The following PACRG variants were observed in gnomAD, a reference collection of about 807,000 sequenced individuals.
The protein encoded by PACRG is parkin coregulated gene protein.
Under a neutral mutation model 29.7 loss-of-function variants are expected in PACRG, and 29 were observed. That is an observed-to-expected ratio of 0.98 (90% CI 0.73 to 1.33). The LOEUF (loss-of-function observed/expected upper bound fraction) is 1.33. Ranked by LOEUF, PACRG falls within the 40% of genes most tolerant of loss-of-function variation. The pLI is 0.00. For missense variants in PACRG, 279 were observed against 316.2 expected (o/e 0.88, Z 0.89); for synonymous variants, 116 against 118.7 (o/e 0.98, Z 0.15).
intron 1 of PACRG, among the ~76,000 whole-genome samples, chr6:162,736,741 T>C (rs938777889): frequency 1.3e-5 from 2 of 151,986 alleles, no homozygotes; most frequent in Non-Finnish European, 2.9e-5. Flanking sequence ...ATTTTATATA[T>C]TTTGAGAGCA....
At chr6:162,753,657 T>TC (rs35102746) in intron 1 of PACRG, among the ~76,000 whole-genome samples, 6 of 152,138 alleles carry the variant, frequency 3.9e-5, no homozygotes, top group Admixed American at 6.6e-5. Context: ...ATTCGATCAT[T>TC]CCCCCATGCT....
In PACRG at chr6:163,197,345, G is replaced by A. The variant is rs114404679; in HGVS notation, c.613+107937G>A. 5.7e-3 allele frequency among the ~76,000 whole-genome samples: 865 copies of A among 151,154 alleles called. 8 individuals are homozygous for A. The highest frequency in any genetic ancestry group is 0.02 in the African/African-American group (818 of 41,208). On this transcript the variant is annotated intron_variant, in intron 4 of 4. Transcript: ENST00000366888. ...AAGGAAGAAAAAAGAAATACCATCT[G>A]TAAATGCTTGCTCTAGAGGTGTGTC... is the stretch of plus-strand genomic sequence containing the variant.
At chr6:162,976,459 G>T (rs1319929934) in intron 2 of PACRG, among the ~76,000 whole-genome samples, 1 of 152,158 alleles carries the variant, frequency 6.6e-6, no homozygotes, top group Non-Finnish European at 1.5e-5. Flanking sequence ...GGGAAGAAAG[G>T]TAGTTGCTGA....
Position 163,158,509 on chromosome 6 carries a change from C to T in PACRG, c.613+69101C>T, listed in dbSNP as rs527726416. 1.1e-4 allele frequency among the ~76,000 whole-genome samples: 16 copies of T among 152,214 alleles called. No individual in the cohort carries two copies. The East Asian group carries it at 2.1e-3, about 20-fold the overall frequency. On this transcript the variant is annotated intron_variant, in intron 4 of 4. Coordinates refer to ENST00000366888, the MANE Select transcript of PACRG (RefSeq NM_001080379.2). ...AAACCTAGGAAAGAAAAGTAGGGAA[C>T]GTGAATTACAGTAGGATGTGTGTCA...
chr6:162,958,003 T>C (rs1206470718), intron 2 of PACRG, among the ~76,000 whole-genome samples: 2 of 152,210 alleles, frequency 1.3e-5, no homozygotes, highest in Non-Finnish European at 2.9e-5. Context: ...TCACTAATGA[T>C]ATAAAACATG....
At chr6:163,174,417 A>G (rs953631019) in intron 4 of PACRG, among the ~76,000 whole-genome samples, 3 of 152,218 alleles carry the variant, frequency 2.0e-5, no homozygotes, top group African/African-American at 7.2e-5. Context: ...CCAAAACTTC[A>G]GGTTCCCAGT....
chr6:163,132,726 C>T (rs114181428), intron 4 of PACRG, among the ~76,000 whole-genome samples: 1,525 of 152,256 alleles, frequency 0.01, 26 homozygotes, highest in African/African-American at 0.035. Context: ...CTTAATGGCA[C>T]TTATTAAATC....
intron 4 of PACRG, among the ~76,000 whole-genome samples, chr6:163,248,403 G>A (rs997968149): frequency 2.0e-5 from 3 of 150,528 alleles, no homozygotes; most frequent in Non-Finnish European, 4.4e-5. Context: ...GTTGGTTTGC[G>A]GGGCAAGAGG....
chr6:162,845,559 A>G (rs761866075), intron 2 of PACRG, among the ~76,000 whole-genome samples: 16 of 152,160 alleles, frequency 1.1e-4, no homozygotes, highest in Non-Finnish European at 1.3e-4. Context: ...TCCTGTGATC[A>G]ATGTCCATTT....
chr6:162,990,277 T>TG (rs1161486865), intron 2 of PACRG, among the ~76,000 whole-genome samples: 1 of 151,780 alleles, frequency 6.6e-6, no homozygotes, highest in Non-Finnish European at 1.5e-5. Flanking sequence ...CTGGGTCAAA[T>TG]GGTATTTCTA....
At chr6:163,258,948 G>A (rs1035998442) in intron 4 of PACRG, among the ~76,000 whole-genome samples, 1 of 152,068 alleles carries the variant, frequency 6.6e-6, no homozygotes, top group Non-Finnish European at 1.5e-5. Flanking sequence ...TAATGCTTTG[G>A]TGTGGTTCCA....
chr6:163,308,297 A>T (rs1785267616), intron 4 of PACRG, among the ~76,000 whole-genome samples: 1 of 152,234 alleles, frequency 6.6e-6, no homozygotes, highest in South Asian at 2.1e-4. Flanking sequence ...TGCTTAAAAA[A>T]CAAGGAGTAA....
At chr6:163,283,556 T>C (rs1179236883) in intron 4 of PACRG, among the ~76,000 whole-genome samples, 1 of 151,534 alleles carries the variant, frequency 6.6e-6, no homozygotes, top group Non-Finnish European at 1.5e-5. Context: ...ATCCCAGCAC[T>C]TTGGGAGGCC....
chr6:162,792,780 C>T (rs909675718), intron 1 of PACRG, among the ~76,000 whole-genome samples: 5 of 152,100 alleles, frequency 3.3e-5, no homozygotes, highest in East Asian at 3.9e-4. Context: ...TCCTGATGAC[C>T]GACTGTGAGC....
chr6:163,031,885 A>G (rs897992011), intron 2 of PACRG, among the ~76,000 whole-genome samples: 1 of 152,200 alleles, frequency 6.6e-6, no homozygotes, highest in Non-Finnish European at 1.5e-5. Context: ...TAGGCAAGGT[A>G]TGAGGCCAGT....
chr6:163,247,717 ACAGACAC>A (rs1782747044), intron 4 of PACRG, among the ~76,000 whole-genome samples: 1 of 152,164 alleles, frequency 6.6e-6, no homozygotes, highest in Non-Finnish European at 1.5e-5. Flanking sequence ...ACAATCTTTA[ACAGACAC>A]CAAGAAGCCT....
chr6:162,864,948 C>T (rs1013557149), intron 2 of PACRG, among the ~76,000 whole-genome samples: 1 of 152,080 alleles, frequency 6.6e-6, no homozygotes, highest in Non-Finnish European at 1.5e-5. Flanking sequence ...ATTTTTTTAA[C>T]CAAAGAATCC....
At chr6:162,794,651 G>A (rs1785223118) in intron 1 of PACRG, among the ~76,000 whole-genome samples, 1 of 151,844 alleles carries the variant, frequency 6.6e-6, no homozygotes, top group Non-Finnish European at 1.5e-5. Flanking sequence ...TTTTCTTTTT[G>A]CATGAATATG....
chr6:162,873,536 A>C (rs1401518294), intron 2 of PACRG, among the ~76,000 whole-genome samples: 1 of 152,206 alleles, frequency 6.6e-6, no homozygotes, highest in East Asian at 1.9e-4. Context: ...TAAAATTGGC[A>C]AAATGTCCAA....
Sources: allele counts gnomAD v4.1 joint callset (sites outside exome capture counted in the v4.1 genomes callset), GRCh38; gene constraint gnomAD v4.1.1; transcripts MANE v1.5; gene names NCBI Gene and HGNC (gene_info 2026-07-23, HGNC 2026-07-21).